EGFLAM: variants seen among roughly 807,000 people sequenced by gnomAD.
The protein encoded by EGFLAM is pikachurin.
A neutral mutation model predicts 113.1 loss-of-function variants in EGFLAM; 79 were observed. That is an observed-to-expected ratio of 0.70 (90% CI 0.58 to 0.84). The LOEUF (loss-of-function observed/expected upper bound fraction) is 0.84. EGFLAM is among the 40% of genes least tolerant of loss of function. The probability of loss-of-function intolerance (pLI) is 0.00; values close to 1 mark genes in which losing one functional copy is unlikely to be tolerated. For synonymous variants in EGFLAM, 504 were observed against 487.6 expected (o/e 1.03, Z -0.44); for missense variants, 1,265 against 1,291.6 (o/e 0.98, Z 0.32).
At chr5:38,396,851 G>A (rs1740974660) in intron 6 of EGFLAM, among the ~76,000 whole-genome samples, 1 of 152,168 alleles carries the variant, frequency 6.6e-6, no homozygotes, top group Admixed American at 6.5e-5. Context: ...CCATCAGCAG[G>A]TGGCAGAGAA....
chr5:38,462,129 ACTGCACTCCAGC>A lies in EGFLAM; in HGVS notation c.2772-775_2772-764del, dbSNP rs1401368719. Among the ~76,000 whole-genome samples, 4 of 152,198 alleles carry A rather than the reference ACTGCACTCCAGC, an allele frequency of 2.6e-5. No homozygotes were observed. In the East Asian group the frequency reaches 7.7e-4, roughly 29 times the overall value. ...GCCTGCAGTGAGCCGAGATCGCGCC[ACTGCACTCCAGC>A]CTGGGCGACAGCGGGACTCCGTCTC... On this transcript the variant is annotated intron_variant, in intron 20 of 21. Coordinates refer to ENST00000322350, the MANE Select transcript of EGFLAM (RefSeq NM_152403.4).
chr5:38,433,756 G>T (rs1052358961), intron 15 of EGFLAM, among the ~76,000 whole-genome samples: 1 of 152,196 alleles, frequency 6.6e-6, no homozygotes, highest in African/African-American at 2.4e-5. Context: ...ATGCCTGTGG[G>T]TTTGTGGTGA....
At position 38,342,688 on chromosome 5, in the gene EGFLAM, A is replaced by G. The variant is rs777553031; in HGVS notation, c.291+3907A>G. On this transcript the variant is annotated intron_variant, in intron 3 of 21. Transcript: ENST00000322350. ...GTAAAACAAATCAGGGCAATTTGGTAAATTTTTTAGAGTTAGAAATAGAAA... is the reference window on the plus strand; with the variant it reads ...GTAAAACAAATCAGGGCAATTTGGTGAATTTTTTAGAGTTAGAAATAGAAA... 5.6e-4 allele frequency among the ~76,000 whole-genome samples: 86 copies of G among 152,340 alleles called. 1 individual carries two copies. The highest frequency in any genetic ancestry group is 4.6e-4 in the Admixed American group (7 of 15,302).
At chr5:38,383,209 C>G (rs1024054828) in intron 6 of EGFLAM, among the ~76,000 whole-genome samples, 1 of 152,172 alleles carries the variant, frequency 6.6e-6, no homozygotes, top group African/African-American at 2.4e-5. Flanking sequence ...CAAACGTCCA[C>G]AAACAAAAAC....
At position 38,363,438 on chromosome 5, in the gene EGFLAM, G is replaced by A. The variant is rs79787764; in HGVS notation, c.546-6858G>A. ...CCCTAGTTTTACCAATGGAAATTTA[G>A]CATTTTCTTCAAAAATGAATGTAGA... On this transcript the variant is annotated intron_variant, in intron 5 of 21. Transcript: ENST00000322350. 1.5e-3 allele frequency among the ~76,000 whole-genome samples: 231 copies of A among 152,244 alleles called. 1 individual carries two copies. The highest frequency in any genetic ancestry group is 4.8e-3 in the African/African-American group (200 of 41,550).
rs1398687953 is a variant in EGFLAM, at chr5:38,464,984, A to C, written c.*998A>C. The C allele has an allele frequency of 6.6e-6, 1 of 152,254 alleles. No homozygotes were observed. 9.4% of individuals were successfully genotyped at this position (152,254 alleles called of 1,614,324 possible). The stretch of plus-strand genomic sequence containing the variant: ...GTTTTAAGAGTTGGGGGGAGTATCT[A>C]TAGTAAACTTGAATAAAGGGGACAA... On this transcript the variant is annotated 3_prime_UTR_variant, in exon 22 of 22. Transcript: ENST00000322350.
At chr5:38,373,725 G>A (rs1386063791) in intron 6 of EGFLAM, among the ~76,000 whole-genome samples, 1 of 152,172 alleles carries the variant, frequency 6.6e-6, no homozygotes, top group African/African-American at 2.4e-5. Flanking sequence ...ATAAACATGC[G>A]AGTGCAGGAG....
intron 1 of EGFLAM, among the ~76,000 whole-genome samples, chr5:38,259,654 C>T (rs1381706832): frequency 6.6e-6 from 1 of 152,146 alleles, no homozygotes. Context: ...ATTTTTATTA[C>T]TTTTTGCTGG....
chr5:38,453,208 G>A (rs2112270856), intron 19 of EGFLAM, among the ~76,000 whole-genome samples: 1 of 152,176 alleles, frequency 6.6e-6, no homozygotes, highest in East Asian at 1.9e-4. Flanking sequence ...TCAAAGCTTT[G>A]AGTTCCATGG....
In EGFLAM at chr5:38,448,387, G is replaced by A; in HGVS notation, c.2543+8G>A. 1 of 1,613,930 alleles carries A rather than the reference G, an allele frequency of 6.2e-7. No homozygotes were observed. Among genetic ancestry groups the A allele is most frequent in the East Asian group, 2.2e-5 (1 of 44,884 alleles). ...CCCAGATATCTTGAAGAGGTAATAA[G>A]CTTCAACAGGCACCTTCCTCAGCTT... On this transcript the variant is annotated splice_region_variant and intron_variant, in intron 18 of 21. Transcript: ENST00000322350.
chr5:38,384,912 G>T lies in EGFLAM; in HGVS notation c.712+14450G>T, dbSNP rs151335458. On this transcript the variant is annotated intron_variant, in intron 6 of 21. Transcript: ENST00000322350. ...GGAGACATTTTTGGCTGTCACAACT[G>T]GGGGGAAAGTGCTACTGGCATTTAG... 3.9e-4 allele frequency among the ~76,000 whole-genome samples: 60 copies of T among 152,154 alleles called. 1 individual carries two copies. The East Asian group carries it at 8.7e-3, about 22-fold the overall frequency.
chr5:38,408,343 C>T lies in EGFLAM; in HGVS notation c.1248+438C>T, dbSNP rs112983060. ...ACTTTTCTTTACGCAAGCCTTGCTT[C>T]GTGAGGGCCCAGTGGAGGTTCTCTG... On this transcript the variant is annotated intron_variant, in intron 9 of 21. Transcript: ENST00000322350. Among the ~76,000 whole-genome samples the T allele has an allele frequency of 4.0e-3, 608 of 152,304 alleles. 4 individuals carry two copies. The highest frequency in any genetic ancestry group is 0.014 in the African/African-American group (594 of 41,556).
intron 1 of EGFLAM, among the ~76,000 whole-genome samples, chr5:38,281,754 A>G (rs1332028143): frequency 2.0e-5 from 3 of 152,232 alleles, no homozygotes; most frequent in East Asian, 3.8e-4. Flanking sequence ...CCTTCTCCCA[A>G]TAAAATGGGT....
At chr5:38,359,798 ATAT>A (rs1391916861) in intron 5 of EGFLAM, among the ~76,000 whole-genome samples, 1 of 152,206 alleles carries the variant, frequency 6.6e-6, no homozygotes, top group Non-Finnish European at 1.5e-5. Context: ...TAAGATATTT[ATAT>A]TAATAAGTGA....
At chr5:38,375,639 CTA>C (rs906974309) in intron 6 of EGFLAM, among the ~76,000 whole-genome samples, 6 of 152,186 alleles carry the variant, frequency 3.9e-5, no homozygotes, top group Non-Finnish European at 7.4e-5. Context: ...ATGCCAGACA[CTA>C]TTAGCAACTT....
chr5:38,379,331 C>G (rs1740448343), intron 6 of EGFLAM, among the ~76,000 whole-genome samples: 1 of 152,050 alleles, frequency 6.6e-6, no homozygotes, highest in Non-Finnish European at 1.5e-5. Context: ...GTGAATACCC[C>G]CAAACCCAGT....
intron 5 of EGFLAM, among the ~76,000 whole-genome samples, chr5:38,361,310 GA>G (rs1220974198): frequency 6.6e-6 from 1 of 152,128 alleles, no homozygotes; most frequent in Admixed American, 6.5e-5. Context: ...TCTACTCCCA[GA>G]TTAGGTTAGC....
chr5:38,315,359 T>G (rs901525804), intron 1 of EGFLAM, among the ~76,000 whole-genome samples: 2 of 152,212 alleles, frequency 1.3e-5, no homozygotes, highest in Admixed American at 1.3e-4. Flanking sequence ...ATGCATATGT[T>G]TTCTCCTTAT....
At chr5:38,420,943 G>A (rs994884131) in intron 12 of EGFLAM, among the ~76,000 whole-genome samples, 1 of 152,186 alleles carries the variant, frequency 6.6e-6, no homozygotes, top group African/African-American at 2.4e-5. Flanking sequence ...CAGCCATGTT[G>A]GTGTTTTACA....
Sources: gnomAD v4.1 joint callset for allele counts (sites outside exome capture counted in the v4.1 genomes callset) on GRCh38, gnomAD v4.1.1 for gene constraint, MANE v1.5 for transcripts, NCBI Gene and HGNC (gene_info 2026-07-23, HGNC 2026-07-21) for gene names.